Variants in HSH2D observed in about 807,000 individuals in gnomAD.
HSH2D encodes the protein hematopoietic SH2 domain containing, also known as hematopoietic SH2 domain-containing protein.
Under a neutral mutation model 21.5 loss-of-function variants are expected in HSH2D, and 16 were observed. That is an observed-to-expected ratio of 0.74 (90% CI 0.50 to 1.13). HSH2D has a LOEUF of 1.13. Ranked by LOEUF, HSH2D falls within the 50% of genes most tolerant of loss-of-function variation. HSH2D has a pLI of 0.00. For synonymous variants in HSH2D, 172 were observed against 184.7 expected (o/e 0.93, Z 0.56); for missense variants, 418 against 441.4 (o/e 0.95, Z 0.47).
intron 2 of HSH2D, among the ~76,000 whole-genome samples, chr19:16,149,486 A>T (rs1468012192): frequency 6.6e-6 from 1 of 151,772 alleles, no homozygotes; most frequent in Non-Finnish European, 1.5e-5. Flanking sequence ...TACAGGCGTG[A>T]GCCACCGCAC....
intron 2 of HSH2D, among the ~76,000 whole-genome samples, chr19:16,151,765 GAAAAAAAAAAAA>G (rs746775825): frequency 3.3e-5 from 2 of 61,318 alleles, no homozygotes; most frequent in Non-Finnish European, 6.4e-5. Context: ...TGCCACAGCT[GAAAAAAAAAAAA>G]AAAAAAAAAA....
chr19:16,138,649 G>C (rs2090979818), intron 1 of HSH2D, among the ~76,000 whole-genome samples: 1 of 151,622 alleles, frequency 6.6e-6, no homozygotes, highest in Admixed American at 6.6e-5. Flanking sequence ...GTAGAGACAG[G>C]GTTTCACCAT....
In HSH2D at chr19:16,157,631, G is replaced by C. The variant is rs753755479; in HGVS notation, c.896G>C (p.Cys299Ser). The C allele has an allele frequency of 1.9e-6, 3 of 1,613,762 alleles. No individual in the cohort carries two copies. Among genetic ancestry groups the C allele is most frequent in the South Asian group, 2.2e-5 (2 of 91,056 alleles). Residue 299 changes from cysteine to serine, a missense_variant, in exon 6 of 6, where the codon TGC (cysteine) becomes TCC (serine). Coordinates refer to ENST00000613986, the MANE Select transcript of HSH2D (RefSeq NM_001382417.1). The surrounding 1 kb of genome is among the most constrained non-coding windows in gnomAD (Gnocchi z 4.4). ...AGGAAGGCCGAGAGGTCGGTCAGCTGCATTGAGGTGACCCCAGGGGACAGG... is the reference window on the plus strand; with the variant it reads ...AGGAAGGCCGAGAGGTCGGTCAGCTCCATTGAGGTGACCCCAGGGGACAGG... ...PTRKAERSVSCIEVTPGDRSW... is the reference protein window; with the variant it reads ...PTRKAERSVSSIEVTPGDRSW...
At chr19:16,145,003 T>G (rs1465784674) in intron 1 of HSH2D, among the ~76,000 whole-genome samples, 3 of 150,886 alleles carry the variant, frequency 2.0e-5, no homozygotes, top group South Asian at 4.2e-4. Flanking sequence ...AGGCTCTTTT[T>G]TTGTTGTTGG....
chr19:16,135,688 G>A (rs371595375), intron 1 of HSH2D, among the ~76,000 whole-genome samples: 1 of 152,274 alleles, frequency 6.6e-6, no homozygotes, highest in East Asian at 1.9e-4. Flanking sequence ...AATGTGCAAA[G>A]CCCACTGTCC....
At chr19:16,148,410 A>G (rs556753139) in intron 1 of HSH2D, among the ~76,000 whole-genome samples, 9 of 152,126 alleles carry the variant, frequency 5.9e-5, no homozygotes, top group African/African-American at 2.2e-4. Context: ...TGGCTTCCCA[A>G]AGTGCTGAGA....
At position 16,154,702 on chromosome 19, in the gene HSH2D, GC is replaced by G. The variant is rs563388777; in HGVS notation, c.474+214del. On this transcript the variant is annotated intron_variant, in intron 5 of 5. Coordinates refer to ENST00000613986, the MANE Select transcript of HSH2D (RefSeq NM_001382417.1). The stretch of plus-strand genomic sequence containing the variant: ...TCTGCCTGTCACCTACCCAGCGCCA[GC>G]CCTGCTGCCATACCGTCTGTTGTTC... 5.4e-4 allele frequency: 237 copies of G among 438,036 alleles called. 4 individuals carry two copies. The South Asian group carries it at 5.6e-3, about 10-fold the overall frequency. 27.1% of individuals were successfully genotyped at this position (438,036 alleles called of 1,614,324 possible). A position where few individuals can be genotyped will look rare whatever the true frequency, so the allele number is the denominator to read the frequency against.
upstream of HSH2D, chr19:16,139,853 C>T (rs1356488139): frequency 6.6e-6 from 1 of 152,222 alleles, no homozygotes; most frequent in Non-Finnish European, 1.5e-5. Flanking sequence ...TCGTTTTCCC[C>T]TCCACACCCT....
chr19:16,138,592 G>A (rs991111482), intron 1 of HSH2D, among the ~76,000 whole-genome samples: 6 of 151,888 alleles, frequency 4.0e-5, no homozygotes, highest in African/African-American at 1.5e-4. Flanking sequence ...CGAGTAGCTG[G>A]GACTACAGGC....
chr19:16,151,598 G>T (rs1269242167), intron 2 of HSH2D: 1 of 455,654 alleles, frequency 2.2e-6, no homozygotes, highest in African/African-American at 2.0e-5. Context: ...TGTTACTTGT[G>T]ACACCTTGAT....
chr19:16,134,632 A>G (rs1449835809), intron 1 of HSH2D, among the ~76,000 whole-genome samples: 2 of 152,126 alleles, frequency 1.3e-5, no homozygotes, highest in Admixed American at 6.5e-5. Context: ...CACCGTAAGC[A>G]TAACACAGCC....
At chr19:16,143,860 C>A in intron 1 of HSH2D, 86 bp downstream of exon 1, 1 of 286,994 alleles carries the variant, frequency 3.5e-6, no homozygotes, top group South Asian at 2.3e-5. Context: ...CTAGTGGGGC[C>A]TGGGGTGGCA....
chr19:16,152,985 G>T (rs1431278688), intron 3 of HSH2D, 58 bp from the exon 4 acceptor site: 22 of 1,569,722 alleles, frequency 1.4e-5, no homozygotes, highest in Non-Finnish European at 1.8e-5. Context: ...AAGGGCTGGG[G>T]ACTTGGGGCA....
In HSH2D at chr19:16,137,508, C is replaced by T. The variant is rs767031547; in HGVS notation, c.-324+3273C>T. The stretch of plus-strand genomic sequence containing the variant: ...CCAGAAATCACTTGAACCAGGGAGG[C>T]GGAGGTTGCAATGAACCTAGATCAT... On this transcript the variant is annotated intron_variant, in intron 1 of 7. Coordinates refer to the HSH2D transcript ENST00000616645. 2.0e-5 allele frequency among the ~76,000 whole-genome samples: 3 copies of T among 149,490 alleles called. No individual in the cohort carries two copies. The East Asian group carries it at 6.0e-4, about 30-fold the overall frequency.
In HSH2D at chr19:16,154,509, G is replaced by T; in HGVS notation, c.474+18G>T. The T allele has an allele frequency of 6.6e-7, 1 of 1,511,118 alleles. No homozygotes were observed. Among genetic ancestry groups the T allele is most frequent in the South Asian group, 1.2e-5 (1 of 83,022 alleles). The allele number at this position is 1,511,118 out of a possible 1,614,324, so 93.6% of individuals were successfully genotyped here. On this transcript the variant is annotated intron_variant, in intron 5 of 5. Coordinates refer to ENST00000613986, the MANE Select transcript of HSH2D (RefSeq NM_001382417.1). ...CTGAGGAGGTATGTATATGACAGGAGGCTGGCACCTCCCACCTGGCTGAGG... is the reference window on the plus strand; with the variant it reads ...CTGAGGAGGTATGTATATGACAGGATGCTGGCACCTCCCACCTGGCTGAGG...
chr19:16,145,169 G>C (rs1362337284), intron 1 of HSH2D, among the ~76,000 whole-genome samples: 1 of 151,708 alleles, frequency 6.6e-6, no homozygotes, highest in East Asian at 1.9e-4. Flanking sequence ...CTCCTGAGTA[G>C]CTGAGACTAC....
At chr19:16,147,713 T>C (rs1015465482) in intron 1 of HSH2D, among the ~76,000 whole-genome samples, 1 of 146,876 alleles carries the variant, frequency 6.8e-6, no homozygotes, top group Non-Finnish European at 1.5e-5. Context: ...TGGTGCAATC[T>C]CGGCTCACTG....
rs368010020 is a variant in HSH2D, at chr19:16,157,622, C to T, written c.887C>T (p.Ser296Leu). ...RKVPTRKAERSVSCIEVTPGD... is the reference protein window; with the variant it reads ...RKVPTRKAERLVSCIEVTPGD... ...GTCCCCACCAGGAAGGCCGAGAGGT[C>T]GGTCAGCTGCATTGAGGTGACCCCA... The change falls in exon 6 of 6, where the codon TCG becomes TTG. Residue 296 changes from serine (S) to leucine (L), a missense_variant. Coordinates refer to ENST00000613986, the MANE Select transcript of HSH2D (RefSeq NM_001382417.1). This position sits in a 1 kb window ranked among gnomAD's most constrained non-coding sequence, Gnocchi z 4.4. The T allele has an allele frequency of 2.4e-5, 39 of 1,613,824 alleles. No homozygotes were observed. In the African/African-American group the frequency reaches 2.8e-4, roughly 12 times the overall value.
rs1286317945 is a variant in HSH2D at position 16,145,791 on chromosome 19, A to G, written c.-28+2017A>G. On this transcript the variant is annotated intron_variant, in intron 1 of 5. Coordinates refer to ENST00000613986, the MANE Select transcript of HSH2D (RefSeq NM_001382417.1). ...CAGTTTAAGGACAGAATTTATGGTG[A>G]GTGGCCGGGCGCAGTGGCTCACGCC... Among the ~76,000 whole-genome samples the G allele has an allele frequency of 1.1e-4, 17 of 151,802 alleles. No individual in the cohort carries two copies. In the East Asian group the frequency reaches 3.3e-3, roughly 30 times the overall value.
Sources: allele counts gnomAD v4.1 joint callset (sites outside exome capture counted in the v4.1 genomes callset), GRCh38; gene constraint gnomAD v4.1.1; non-coding constraint Gnocchi (gnomAD v3.1); transcripts MANE v1.5; gene names NCBI Gene and HGNC (gene_info 2026-07-23, HGNC 2026-07-21).